SYT3: variants seen among roughly 807,000 people sequenced by gnomAD.
The protein encoded by SYT3 is synaptotagmin 3.
In SYT3, 25 loss-of-function variants were observed where a neutral mutation model predicts 50.6. The observed-to-expected ratio is 0.49, with a 90% CI of 0.36 to 0.69. SYT3 has a LOEUF of 0.69. SYT3 is among the 30% of genes least tolerant of loss of function. The pLI is 0.00. For missense variants in SYT3, 589 were observed against 793.6 expected, an observed-to-expected ratio of 0.74 and a Z score of 3.10; for synonymous variants, 323 against 353.9, an observed-to-expected ratio of 0.91 and a Z score of 0.98.
chr19:50,647,176 G>C, the SYT3 span, among the ~76,000 whole-genome samples: 1 of 152,138 alleles, frequency 6.6e-6, no homozygotes, highest in African/African-American at 2.4e-5. Flanking sequence ...GGTAGGTGGA[G>C]AATGTTTGGA....
At chr19:50,649,530 G>A in the SYT3 span, 1 of 1,535,968 alleles carries the variant, frequency 6.5e-7, no homozygotes, top group Non-Finnish European at 8.7e-7. Flanking sequence ...CTGTGTCTTT[G>A]GGGGAAGGGG....
intron 4 of SYT3, among the ~76,000 whole-genome samples, chr19:50,630,995 G>T (rs1907214800): frequency 6.6e-6 from 1 of 151,992 alleles, no homozygotes; most frequent in Non-Finnish European, 1.5e-5. Context: ...GCCCCAGAGG[G>T]TTCCTTCTAC....
chr19:50,645,529 A>C, the SYT3 span, among the ~76,000 whole-genome samples: 127 of 152,350 alleles, frequency 8.3e-4, no homozygotes, highest in South Asian at 2.9e-3. Context: ...ATACAGAGAC[A>C]TACAGAAATC....
At chr19:50,626,361 A>G (rs766473391) in intron 6 of SYT3, among the ~76,000 whole-genome samples, 8 of 152,146 alleles carry the variant, frequency 5.3e-5, no homozygotes, top group Non-Finnish European at 1.2e-4. Flanking sequence ...GGAAAGACAG[A>G]CCCACAGGCA....
chr19:50,625,645 C>A lies in SYT3; in HGVS notation c.1403-81G>T, dbSNP rs1248706991. On this transcript the variant is annotated intron_variant, in intron 7 of 10. Coordinates refer to ENST00000600079, the MANE Select transcript of SYT3 (RefSeq NM_001160329.2). This position sits in a 1 kb window ranked among gnomAD's most constrained non-coding sequence, Gnocchi z 7.5. ...CAGGACCCCAGGCCCCGAGCCCCTC[C>A]TCCCTCAGACCCAGAGGTCCGGGGC... is the stretch of plus-strand genomic sequence containing the variant. 1.4e-6 allele frequency: 2 copies of A among 1,476,568 alleles called. No homozygotes were observed. Among genetic ancestry groups the A allele is most frequent in the Admixed American group, 2.6e-5 (1 of 38,050 alleles). 91.5% of individuals were successfully genotyped at this position (1,476,568 alleles called of 1,614,324 possible). A position where few individuals can be genotyped will look rare whatever the true frequency, so the allele number is the denominator to read the frequency against.
the SYT3 span, among the ~76,000 whole-genome samples, chr19:50,654,640 TTCTG>T: frequency 5.0e-4 from 74 of 146,746 alleles, no homozygotes; most frequent in African/African-American, 1.8e-3. Flanking sequence ...CCTTCTCTCT[TTCTG>T]TCTCTCTTTC....
upstream of SYT3, among the ~76,000 whole-genome samples, chr19:50,642,964 A>G (rs1469500322): frequency 6.6e-6 from 1 of 152,234 alleles, no homozygotes; most frequent in Non-Finnish European, 1.5e-5. Flanking sequence ...AATTAAATGC[A>G]TTTGCTCATT....
At chr19:50,655,153 T>C in the SYT3 span, among the ~76,000 whole-genome samples, 1 of 152,206 alleles carries the variant, frequency 6.6e-6, no homozygotes. Flanking sequence ...GTCTGGGAAC[T>C]GTTGTCTCTA....
At chr19:50,649,864 C>A in the SYT3 span, 1 of 475,204 alleles carries the variant, frequency 2.1e-6, no homozygotes, top group Admixed American at 2.3e-5. Context: ...CTCCTCCTTC[C>A]TGGTTTCCAT....
intron 9 of SYT3, among the ~76,000 whole-genome samples, chr19:50,623,515 C>T (rs1337315418): frequency 2.7e-5 from 4 of 150,676 alleles, no homozygotes; most frequent in Middle Eastern, 3.4e-3. Context: ...CGGTGGCTCA[C>T]GCCTATAATC....
upstream of SYT3, among the ~76,000 whole-genome samples, chr19:50,640,007 A>G (rs1372101710): frequency 2.6e-5 from 4 of 152,194 alleles, no homozygotes; most frequent in Non-Finnish European, 5.9e-5. Flanking sequence ...AAGGCAGCAG[A>G]GACCCAGTGG....
the SYT3 span, among the ~76,000 whole-genome samples, chr19:50,646,611 A>T: frequency 6.6e-6 from 1 of 152,088 alleles, no homozygotes; most frequent in South Asian, 2.1e-4. Context: ...ATAAAAAAAC[A>T]GTCGGAGGGA....
In SYT3 at chr19:50,634,739, A is replaced by C. The variant is rs139513061; in HGVS notation, c.149-1928T>G. Among the ~76,000 whole-genome samples, 756 of 152,046 alleles carry C rather than the reference A, an allele frequency of 5.0e-3. 11 individuals are homozygous for C. Among genetic ancestry groups the C allele is most frequent in the Non-Finnish European group, 7.0e-3 (478 of 68,000 alleles). ...GCTGGAACAACAAGTGGGCACCAGCATGCCTGGCTAATTTTTGTATTTTTG... is the reference window on the plus strand; with the variant it reads ...GCTGGAACAACAAGTGGGCACCAGCCTGCCTGGCTAATTTTTGTATTTTTG... On this transcript the variant is annotated intron_variant, in intron 3 of 10. Transcript: ENST00000600079.
At chr19:50,656,979 A>G in the SYT3 span, among the ~76,000 whole-genome samples, 11 of 144,296 alleles carry the variant, frequency 7.6e-5, no homozygotes, top group African/African-American at 2.4e-4. Flanking sequence ...AAAGAAAGAA[A>G]GAAGGAAGGA....
chr19:50,638,778 GC>G (rs1984576007), intron 2 of SYT3, among the ~76,000 whole-genome samples: 1 of 152,104 alleles, frequency 6.6e-6, no homozygotes, highest in Non-Finnish European at 1.5e-5. Flanking sequence ...AGACAGGAGG[GC>G]TGGGCAGACA....
At chr19:50,627,813 A>G (rs1357478548) in intron 6 of SYT3, among the ~76,000 whole-genome samples, 1 of 151,998 alleles carries the variant, frequency 6.6e-6, no homozygotes, top group Non-Finnish European at 1.5e-5. Context: ...TGATGGAGAG[A>G]GAAAATGAGA....
Position 50,630,076 on chromosome 19 carries a change from A to G in SYT3, c.770T>C (p.Leu257Pro). Residue 257 changes from leucine to proline, a missense_variant, in exon 5 of 11, where the codon CTG becomes CCG. By Grantham distance (98) the Leu-to-Pro change is moderately conservative. Around this residue, in one of 2 missense-constraint regions of SYT3, gnomAD observed 316 missense variants for 354.3 expected, o/e 0.89. Coordinates refer to ENST00000600079, the MANE Select transcript of SYT3 (RefSeq NM_001160329.2). ...EERPPALPLP[L>P]PGGEEKAKLI... The stretch of plus-strand genomic sequence containing the variant: ...TTTGGCTTTTTCCTCGCCTCCAGGC[A>G]GGGGTAAGGGCAGGGCAGGTGGCCG... The G allele has an allele frequency of 6.2e-7, 1 of 1,602,564 alleles. No individual in the cohort carries two copies.
chr19:50,628,786 T>C (rs769620964), intron 6 of SYT3, among the ~76,000 whole-genome samples: 2 of 151,428 alleles, frequency 1.3e-5, no homozygotes, highest in Non-Finnish European at 2.9e-5. Context: ...TTTGGCGATG[T>C]TGAGGAGAGG....
chr19:50,632,564 G>A lies in SYT3; in HGVS notation c.396C>T (p.His132=), dbSNP rs1446028882. 1 of 1,595,720 alleles carries A rather than the reference G, an allele frequency of 6.3e-7. No individual in the cohort carries two copies. Among genetic ancestry groups the A allele is most frequent in the South Asian group, 1.1e-5 (1 of 90,424 alleles). The change falls in exon 4 of 11, where the codon CAC becomes CAT. Residue 132 remains histidine (H), a synonymous_variant. Transcript: ENST00000600079. The surrounding 1 kb of genome is among the most constrained non-coding windows in gnomAD (Gnocchi z 4.7). ...GGHPLLGGPH[H]HAHAAHHPPF... ...GTGGATGGTGGGCGGCATGGGCATG[G>A]TGGTGTGGGCCGCCCAGCAGAGGAT... is the stretch of plus-strand genomic sequence containing the variant.
Sources: allele counts gnomAD v4.1 joint callset (sites outside exome capture counted in the v4.1 genomes callset), GRCh38; gene constraint gnomAD v4.1.1; regional missense constraint gnomAD v4.1.1; non-coding constraint Gnocchi (gnomAD v3.1); transcripts MANE v1.5; gene names NCBI Gene and HGNC (gene_info 2026-07-23, HGNC 2026-07-21).